ZNF334: variants seen among roughly 807,000 people sequenced by gnomAD.
The protein encoded by ZNF334 is zinc finger protein 334.
ZNF334 carries 14 observed loss-of-function variants against 12.4 expected under a neutral mutation model. The observed-to-expected ratio is 1.13, with a 90% CI of 0.74 to 1.76. The LOEUF (loss-of-function observed/expected upper bound fraction) is 1.76. ZNF334 is among the 40% of genes most tolerant of loss of function. The probability of loss-of-function intolerance (pLI) is 0.00; values close to 1 mark genes in which losing one functional copy is unlikely to be tolerated. For missense variants in ZNF334, 797 were observed against 804.5 expected, an observed-to-expected ratio of 0.99 and a Z score of 0.11; for synonymous variants, 273 against 269.6, an observed-to-expected ratio of 1.01 and a Z score of -0.12.
chr20:46,484,262 C>T, the ZNF334 span, among the ~76,000 whole-genome samples: 1 of 152,270 alleles, frequency 6.6e-6, no homozygotes, highest in Non-Finnish European at 1.5e-5. Flanking sequence ...GTTACTTTAT[C>T]ATAAGTAATT....
At position 46,510,446 on chromosome 20, in the gene ZNF334, C is replaced by T. The variant is rs150893697; in HGVS notation, c.21+1636G>A. On this transcript the variant is annotated intron_variant, in intron 2 of 4. Coordinates refer to ENST00000692313, the MANE Select transcript of ZNF334 (RefSeq NM_001353824.2). ...AAGGAGAATTAAGATGGACTTCAGG[C>T]CGGGCGCGATGGCTCACGCCTGTAA... 7.5e-3 allele frequency among the ~76,000 whole-genome samples: 1,146 copies of T among 152,232 alleles called. 7 individuals carry two copies. Among genetic ancestry groups the T allele is most frequent in the Middle Eastern group, 0.024 (7 of 294 alleles).
the ZNF334 span, among the ~76,000 whole-genome samples, chr20:46,482,999 G>A: frequency 3.9e-5 from 6 of 152,034 alleles, no homozygotes; most frequent in African/African-American, 1.4e-4. Context: ...CTGAGTCAAG[G>A]GCATGCACCT....
At chr20:46,470,423 C>A in the ZNF334 span, among the ~76,000 whole-genome samples, 1 of 152,198 alleles carries the variant, frequency 6.6e-6, no homozygotes, top group South Asian at 2.1e-4. Flanking sequence ...AAGGAAACTA[C>A]CCTGAGATGT....
chr20:46,484,496 C>G, the ZNF334 span: 1 of 167,104 alleles, frequency 6.0e-6, no homozygotes. Flanking sequence ...CCGTGGTCTT[C>G]TCACCAGAAG....
At chr20:46,482,645 T>A in the ZNF334 span, among the ~76,000 whole-genome samples, 1 of 152,212 alleles carries the variant, frequency 6.6e-6, no homozygotes, top group Non-Finnish European at 1.5e-5. Context: ...TAGATCTTTT[T>A]TTATATCAAT....
the ZNF334 span, chr20:46,463,598 A>C: frequency 1.7e-5 from 3 of 176,944 alleles, no homozygotes; most frequent in South Asian, 4.2e-4. Flanking sequence ...CCATAAACAC[A>C]ATCTGGTTGA....
intron 2 of ZNF334, 124 bp from the exon 3 acceptor site, chr20:46,504,864 G>T: frequency 1.2e-6 from 1 of 803,690 alleles, no homozygotes; most frequent in Non-Finnish European, 1.8e-6. Flanking sequence ...AATTGTGGGA[G>T]GGCAGAAAAT....
rs530512295 is a variant in ZNF334, at chr20:46,509,928, A to G, written c.21+2154T>C. On this transcript the variant is annotated intron_variant, in intron 2 of 4. Coordinates refer to ENST00000692313, the MANE Select transcript of ZNF334 (RefSeq NM_001353824.2). Reference sequence around the variant, plus strand: ...CAGCACAGTTTGAATTGCTTGTGTAATATCTTTCTCTTTCACTAGCACATG... The same window carrying G: ...CAGCACAGTTTGAATTGCTTGTGTAGTATCTTTCTCTTTCACTAGCACATG... 1.8e-4 allele frequency among the ~76,000 whole-genome samples: 27 copies of G among 152,350 alleles called. No homozygotes were observed. The South Asian group carries it at 4.8e-3, about 27-fold the overall frequency.
At chr20:46,482,548 T>C in the ZNF334 span, among the ~76,000 whole-genome samples, 3 of 152,226 alleles carry the variant, frequency 2.0e-5, no homozygotes, top group South Asian at 2.1e-4. Context: ...CAATGTATGA[T>C]CTTTTTAACA....
chr20:46,497,626 T>C (rs546105763), downstream of ZNF334, among the ~76,000 whole-genome samples: 12 of 152,344 alleles, frequency 7.9e-5, no homozygotes, highest in African/African-American at 2.9e-4. Context: ...GATATCAGTA[T>C]ATTAGTAACT....
At chr20:46,464,404 G>A in the ZNF334 span, 6 of 502,536 alleles carry the variant, frequency 1.2e-5, no homozygotes, top group African/African-American at 1.9e-5. Context: ...GACAGTAGGC[G>A]TGGCTGCAGC....
the ZNF334 span, among the ~76,000 whole-genome samples, chr20:46,463,383 G>C: frequency 6.6e-6 from 1 of 152,334 alleles, no homozygotes; most frequent in African/African-American, 2.4e-5. Context: ...AGTTGGACAG[G>C]GTGGGAATTA....
In ZNF334 at chr20:46,502,657, T is replaced by C. The variant is rs1180716804; in HGVS notation, c.682A>G (p.Lys228Glu). 1 of 1,612,700 alleles carries C rather than the reference T, an allele frequency of 6.2e-7. No individual in the cohort carries two copies. The highest frequency in any genetic ancestry group is 1.7e-5 in the Admixed American group (1 of 60,020). Residue 228 changes from lysine (K) to glutamate (E), a missense_variant, in exon 5 of 5, where the codon AAG (lysine) becomes GAG (glutamate). Transcript: ENST00000692313. ...GGTTTCCTTTCAGTCTGTCTCCCCT[T>C]TTGTGTAATGAGAATTGCCCTCTTG... is the stretch of plus-strand genomic sequence containing the variant. ...FFKRAILITQ[K>E]GRQTERKPNE...
the ZNF334 span, among the ~76,000 whole-genome samples, chr20:46,487,246 A>AATCTG: frequency 6.6e-6 from 1 of 152,156 alleles, no homozygotes; most frequent in African/African-American, 2.4e-5. Context: ...TTCACATTTT[A>AATCTG]ATCTGTCTAT....
At chr20:46,495,322 C>A (rs1322325845), downstream of ZNF334, among the ~76,000 whole-genome samples, 1 of 151,178 alleles carries the variant, frequency 6.6e-6, no homozygotes, top group African/African-American at 2.4e-5. Context: ...AAACTAGGAT[C>A]ATTTTGAAGA....
downstream of ZNF334, among the ~76,000 whole-genome samples, chr20:46,495,000 T>C (rs889684128): frequency 6.6e-6 from 1 of 152,180 alleles, no homozygotes; most frequent in African/African-American, 2.4e-5. Context: ...CATAACATTC[T>C]CATTGGAAAG....
At chr20:46,510,045 T>C (rs185917774) in intron 2 of ZNF334, among the ~76,000 whole-genome samples, 153 of 152,302 alleles carry the variant, frequency 1.0e-3, no homozygotes, top group South Asian at 7.3e-3. Flanking sequence ...TTGATCAATA[T>C]ACAGTTGTTG....
chr20:46,464,204 C>A, the ZNF334 span: 1 of 529,448 alleles, frequency 1.9e-6, no homozygotes, highest in South Asian at 1.5e-5. Context: ...CCCTGTCCTT[C>A]ATCAAAATCC....
chr20:46,472,651 G>A, the ZNF334 span, among the ~76,000 whole-genome samples: 5 of 152,130 alleles, frequency 3.3e-5, no homozygotes, highest in Admixed American at 2.0e-4. Context: ...AAAAGAAGAG[G>A]GATAAAGGGT....
Sources: gnomAD v4.1 joint callset for allele counts (sites outside exome capture counted in the v4.1 genomes callset) on GRCh38, gnomAD v4.1.1 for gene constraint, MANE v1.5 for transcripts, NCBI Gene and HGNC (gene_info 2026-07-23, HGNC 2026-07-21) for gene names.